Variants in SRGAP1 observed in about 807,000 individuals in gnomAD.
The protein encoded by SRGAP1 is SLIT-ROBO Rho GTPase-activating protein 1.
Under a neutral mutation model 121.9 loss-of-function variants are expected in SRGAP1, and 43 were observed. That is an observed-to-expected ratio of 0.35 (90% CI 0.28 to 0.46). SRGAP1 has a LOEUF of 0.46. SRGAP1 is among the 20% of genes least tolerant of loss of function. The pLI, the probability that SRGAP1 is intolerant of heterozygous loss-of-function variation, is 1.00. For missense variants in SRGAP1, 1,102 were observed against 1,350.9 expected (o/e 0.82, Z 2.89); for synonymous variants, 447 against 485.4 (o/e 0.92, Z 1.04).
rs1342585685 is a variant in SRGAP1 at position 64,153,036 on chromosome 12, G to C, written c.*10364G>C. On this transcript the variant is annotated 3_prime_UTR_variant, in exon 22 of 22. Coordinates refer to ENST00000355086, the MANE Select transcript of SRGAP1 (RefSeq NM_020762.4). ...AATAAACAGGGTGATAGAATTTAGA[G>C]TGTCTAGGAGAAGCATTTTAGATGG... 6.6e-6 allele frequency: 1 copy of C among 151,682 alleles called. No individual in the cohort carries two copies. Among genetic ancestry groups the C allele is most frequent in the African/African-American group, 2.4e-5 (1 of 41,282 alleles). The allele number at this position is 151,682 out of a possible 1,614,324, so 9.4% of individuals were successfully genotyped here.
rs919587550 is a variant in SRGAP1 at position 63,867,342 on chromosome 12, T to C, written c.67+22459T>C. ...CATATAAAGAGCTGTGTTATCTCTT[T>C]AGGAGTTATTGATATTACTTGTTTT... is the stretch of plus-strand genomic sequence containing the variant. On this transcript the variant is annotated intron_variant, in intron 1 of 21. Coordinates refer to ENST00000355086, the MANE Select transcript of SRGAP1 (RefSeq NM_020762.4). 5.9e-5 allele frequency among the ~76,000 whole-genome samples: 9 copies of C among 152,368 alleles called. No individual in the cohort carries two copies. In the South Asian group the frequency reaches 6.2e-4, roughly 11 times the overall value.
At chr12:63,853,823 C>G (rs1232173711) in intron 1 of SRGAP1, among the ~76,000 whole-genome samples, 2 of 152,256 alleles carry the variant, frequency 1.3e-5, no homozygotes, top group Admixed American at 6.5e-5. Context: ...TTCAACTCCA[C>G]CCTCCTTGAG....
At chr12:64,095,018 A>T (rs1236085050) in intron 13 of SRGAP1, 26 bp downstream of exon 13, 3 of 1,613,110 alleles carry the variant, frequency 1.9e-6, no homozygotes, top group Non-Finnish European at 1.7e-6. Context: ...CAGAATTCTT[A>T]TTTTTTAAAA....
At chr12:63,972,495 A>G (rs1174844080) in intron 1 of SRGAP1, among the ~76,000 whole-genome samples, 1 of 152,142 alleles carries the variant, frequency 6.6e-6, no homozygotes, top group East Asian at 1.9e-4. Flanking sequence ...GAGAAGGCAA[A>G]CCATTTTTTT....
intron 1 of SRGAP1, among the ~76,000 whole-genome samples, chr12:63,852,288 G>A (rs759817043): frequency 2.0e-5 from 3 of 152,126 alleles, no homozygotes; most frequent in Non-Finnish European, 4.4e-5. Context: ...GAGCCACCTC[G>A]CCCAGCATGT....
At chr12:64,107,419 G>C (rs1210849297) in intron 15 of SRGAP1, among the ~76,000 whole-genome samples, 1 of 152,164 alleles carries the variant, frequency 6.6e-6, no homozygotes, top group Non-Finnish European at 1.5e-5. Flanking sequence ...AGTTAGGAGA[G>C]TATTTTGATA....
chr12:64,099,856 C>A (rs1026318745), intron 15 of SRGAP1, among the ~76,000 whole-genome samples: 2 of 152,106 alleles, frequency 1.3e-5, no homozygotes, highest in Non-Finnish European at 2.9e-5. Flanking sequence ...TTGTCAGTTA[C>A]CATTATAGAA....
At chr12:64,010,512 T>C (rs1381668373) in intron 3 of SRGAP1, among the ~76,000 whole-genome samples, 1 of 152,070 alleles carries the variant, frequency 6.6e-6, no homozygotes, top group Non-Finnish European at 1.5e-5. Flanking sequence ...TCTGGCGTCT[T>C]TGTGAGATTG....
intron 1 of SRGAP1, among the ~76,000 whole-genome samples, chr12:63,850,686 G>A (rs2136253147): frequency 6.7e-6 from 1 of 148,646 alleles, no homozygotes; most frequent in Non-Finnish European, 1.5e-5. Context: ...GCCTCCCAAA[G>A]TGCTGGGATA....
intron 3 of SRGAP1, among the ~76,000 whole-genome samples, chr12:64,007,413 A>G (rs115163455): frequency 0.026 from 3,887 of 152,200 alleles, 185 homozygotes; most frequent in African/African-American, 0.089. Flanking sequence ...TGAGAATCTA[A>G]TGCTGCGGCT....
At chr12:63,923,195 T>G (rs1360080872) in intron 1 of SRGAP1, among the ~76,000 whole-genome samples, 1 of 152,214 alleles carries the variant, frequency 6.6e-6, no homozygotes, top group Non-Finnish European at 1.5e-5. Context: ...CTTATGTACT[T>G]TTATGCATTA....
rs947804015 is a variant in SRGAP1, at chr12:64,094,450, A to G, written c.1540-482A>G. Among the ~76,000 whole-genome samples the G allele has an allele frequency of 3.9e-5, 6 of 152,220 alleles. No homozygotes were observed. In the East Asian group the frequency reaches 1.2e-3, roughly 29 times the overall value. ...AACTAAGTAAATACATGTTTTAATT[A>G]TCTCTGTAACAATTCTCATATTATG... On this transcript the variant is annotated intron_variant, in intron 12 of 21. Coordinates refer to ENST00000355086, the MANE Select transcript of SRGAP1 (RefSeq NM_020762.4).
chr12:63,873,969 T>C lies in SRGAP1; in HGVS notation c.67+29086T>C, dbSNP rs767763713. 2.0e-5 allele frequency among the ~76,000 whole-genome samples: 3 copies of C among 150,910 alleles called. No homozygotes were observed. The South Asian group carries it at 6.3e-4, about 32-fold the overall frequency. ...ATCAATTGAGTCTGAGAAGTGGAGG[T>C]TGCAGTGAACTGAGATCTGCACCAC... On this transcript the variant is annotated intron_variant, in intron 1 of 21. Transcript: ENST00000355086.
At chr12:63,939,550 A>C (rs1405672527) in intron 1 of SRGAP1, among the ~76,000 whole-genome samples, 1 of 152,114 alleles carries the variant, frequency 6.6e-6, no homozygotes, top group African/African-American at 2.4e-5. Flanking sequence ...ACCAAGATAA[A>C]TGCACCCCAT....
At chr12:63,954,785 T>C (rs757293139) in intron 1 of SRGAP1, among the ~76,000 whole-genome samples, 3 of 152,122 alleles carry the variant, frequency 2.0e-5, no homozygotes, top group Non-Finnish European at 2.9e-5. Context: ...GCTTTGCTGC[T>C]TCCTAGTTTG....
At chr12:63,964,873 A>G (rs928434739) in intron 1 of SRGAP1, among the ~76,000 whole-genome samples, 3 of 152,196 alleles carry the variant, frequency 2.0e-5, no homozygotes, top group Non-Finnish European at 1.5e-5. Flanking sequence ...AAATCGTACT[A>G]CTTTGCTCCC....
chr12:64,048,113 C>T (rs536853260), intron 6 of SRGAP1, among the ~76,000 whole-genome samples: 4 of 152,166 alleles, frequency 2.6e-5, no homozygotes, highest in South Asian at 4.1e-4. Flanking sequence ...AGCTCTTATT[C>T]GTTCTATCTA....
chr12:63,992,394 C>T (rs2033578005), intron 3 of SRGAP1, among the ~76,000 whole-genome samples: 1 of 152,112 alleles, frequency 6.6e-6, no homozygotes, highest in Admixed American at 6.5e-5. Context: ...GCAAGAAAGG[C>T]AAAATTGGGC....
rs190135206 is a variant in SRGAP1, at chr12:64,125,636, G to A, written c.2225-341G>A. On this transcript the variant is annotated intron_variant, in intron 18 of 21. Transcript: ENST00000355086. ...CCAAAATCATATTGAAGCAATTGTG[G>A]AGGATATTACAACTCAAGGAGAGAT... is the stretch of plus-strand genomic sequence containing the variant. 6.5e-3 allele frequency among the ~76,000 whole-genome samples: 988 copies of A among 152,214 alleles called. 2 individuals are homozygous for A. Among genetic ancestry groups the A allele is most frequent in the Non-Finnish European group, 0.011 (774 of 68,018 alleles).
Sources: gnomAD v4.1 joint callset for allele counts (sites outside exome capture counted in the v4.1 genomes callset) on GRCh38, gnomAD v4.1.1 for gene constraint, MANE v1.5 for transcripts, NCBI Gene and HGNC (gene_info 2026-07-23, HGNC 2026-07-21) for gene names.